The following EHBP1 variants were observed in gnomAD, a reference collection of about 807,000 sequenced individuals.
The protein encoded by EHBP1 is EH domain-binding protein 1.
A neutral mutation model predicts 144.0 loss-of-function variants in EHBP1; 55 were observed. The observed-to-expected ratio is 0.38, with a 90% CI of 0.31 to 0.48. EHBP1 has a LOEUF of 0.48. Among genes scored for constraint, EHBP1 ranks in the 20% least tolerant of loss-of-function variants. The pLI, the probability that EHBP1 is intolerant of heterozygous loss-of-function variation, is 0.98. For missense variants in EHBP1, 1,200 were observed against 1,364.2 expected, an observed-to-expected ratio of 0.88 and a Z score of 1.90; for synonymous variants, 469 against 472.7, an observed-to-expected ratio of 0.99 and a Z score of 0.10.
intron 10 of EHBP1, among the ~76,000 whole-genome samples, chr2:62,926,250 G>C (rs1478010396): frequency 6.6e-6 from 1 of 152,056 alleles, no homozygotes; most frequent in Non-Finnish European, 1.5e-5. Context: ...TGTAAGACCT[G>C]AAGCATTGAA....
At chr2:62,966,551 A>G (rs1166996249) in intron 14 of EHBP1, among the ~76,000 whole-genome samples, 1 of 152,176 alleles carries the variant, frequency 6.6e-6, no homozygotes, top group Non-Finnish European at 1.5e-5. Flanking sequence ...AAAGAGAGTT[A>G]TGTATTATTT....
At chr2:62,730,986 A>G (rs920181639) in intron 2 of EHBP1, among the ~76,000 whole-genome samples, 11 of 150,236 alleles carry the variant, frequency 7.3e-5, no homozygotes, top group East Asian at 2.0e-4. Flanking sequence ...TTGATACTGC[A>G]TTGAGTCTAT....
At position 63,024,601 on chromosome 2, in the gene EHBP1, CAAAAAAAAAAA is replaced by C. The variant is rs35534053; in HGVS notation, c.3104-12922_3104-12912del. Among the ~76,000 whole-genome samples, 2 of 107,492 alleles carry C rather than the reference CAAAAAAAAAAA, an allele frequency of 1.9e-5. 1 individual carries two copies. Among genetic ancestry groups the C allele is most frequent in the Admixed American group, 2.0e-4 (2 of 9,886 alleles). 70.5% of individuals were successfully genotyped at this position (107,492 alleles called of 152,430 possible). A position where few individuals can be genotyped will look rare whatever the true frequency, so the allele number is the denominator to read the frequency against. On this transcript the variant is annotated intron_variant, in intron 19 of 22. Transcript: ENST00000431489. ...TTGGCAACACAGCAAGACCCTGTCTCAAAAAAAAAAAAAAAAAAAAAATTAGATGGAGTCAA... is the reference window on the plus strand; with the variant it reads ...TTGGCAACACAGCAAGACCCTGTCTCAAAAAAAAAAATTAGATGGAGTCAA...
intron 14 of EHBP1, among the ~76,000 whole-genome samples, chr2:62,964,067 G>A (rs531503862): frequency 9.2e-4 from 140 of 152,266 alleles, no homozygotes; most frequent in African/African-American, 3.4e-3. Flanking sequence ...TATCTATTAT[G>A]TCTAAATGTA....
intron 7 of EHBP1, among the ~76,000 whole-genome samples, chr2:62,838,244 G>C (rs2047463634): frequency 6.6e-6 from 1 of 151,960 alleles, no homozygotes; most frequent in South Asian, 2.1e-4. Flanking sequence ...ATGACTACTG[G>C]GTACATAACG....
At position 62,909,432 on chromosome 2, in the gene EHBP1, C is replaced by T. The variant is rs140995703; in HGVS notation, c.1186-33286C>T. Among the ~76,000 whole-genome samples the T allele has an allele frequency of 2.8e-3, 422 of 152,328 alleles. 4 individuals carry two copies. Among genetic ancestry groups the T allele is most frequent in the African/African-American group, 9.5e-3 (396 of 41,568 alleles). On this transcript the variant is annotated intron_variant, in intron 10 of 22. Transcript: ENST00000431489. ...TTCTAGACTGAAGTGATCCACCCGC[C>T]TTGGCCTTCCAAAGTGCTGGGATTC... is the stretch of plus-strand genomic sequence containing the variant.
At chr2:62,817,375 T>C (rs1464373785) in intron 5 of EHBP1, among the ~76,000 whole-genome samples, 1 of 151,966 alleles carries the variant, frequency 6.6e-6, no homozygotes, top group East Asian at 1.9e-4. Context: ...TTCCTAGTAA[T>C]GGAAATAGCA....
chr2:62,746,673 A>G (rs2039188282), intron 2 of EHBP1, among the ~76,000 whole-genome samples: 2 of 152,062 alleles, frequency 1.3e-5, no homozygotes, highest in Non-Finnish European at 2.9e-5. Flanking sequence ...CGTTAAAAGG[A>G]ATGGGAAAAA....
At chr2:62,883,942 C>T (rs2051696917) in intron 10 of EHBP1, among the ~76,000 whole-genome samples, 1 of 152,060 alleles carries the variant, frequency 6.6e-6, no homozygotes, top group Non-Finnish European at 1.5e-5. Context: ...TGCACTCCAG[C>T]CGGTATGGCA....
chr2:62,757,652 T>C (rs2040421137), intron 3 of EHBP1, among the ~76,000 whole-genome samples: 1 of 152,044 alleles, frequency 6.6e-6, no homozygotes. Context: ...CAGGCTGGTC[T>C]CAAACTCCTG....
At position 62,855,986 on chromosome 2, in the gene EHBP1, C is replaced by T. The variant is rs143258023; in HGVS notation, c.635-3183C>T. Among the ~76,000 whole-genome samples the T allele has an allele frequency of 3.9e-3, 592 of 152,144 alleles. 8 individuals carry two copies. The highest frequency in any genetic ancestry group is 0.013 in the African/African-American group (539 of 41,492). On this transcript the variant is annotated intron_variant, in intron 7 of 22. Coordinates refer to ENST00000431489, the MANE Select transcript of EHBP1 (RefSeq NM_001142616.3). ...GAGCTTCCCACTCCAGGGTCTCCTC[C>T]CTGCTAGGAGCTGAACACTCTTCAG... is the stretch of plus-strand genomic sequence containing the variant.
chr2:62,750,233 A>C (rs1419912637), intron 3 of EHBP1, among the ~76,000 whole-genome samples: 1 of 152,224 alleles, frequency 6.6e-6, no homozygotes, highest in Non-Finnish European at 1.5e-5. Flanking sequence ...CCAATTATTA[A>C]ATAGGGAGTC....
At chr2:62,943,400 A>G (rs1401381748) in intron 11 of EHBP1, among the ~76,000 whole-genome samples, 1 of 138,770 alleles carries the variant, frequency 7.2e-6, no homozygotes, top group African/African-American at 2.7e-5. Context: ...AAAAAAAAAA[A>G]TGGTTTTTCT....
chr2:62,768,211 T>G lies in EHBP1; in HGVS notation c.259-3128T>G, dbSNP rs564052322. On this transcript the variant is annotated intron_variant, in intron 4 of 22. Coordinates refer to ENST00000431489, the MANE Select transcript of EHBP1 (RefSeq NM_001142616.3). Reference sequence around the variant, plus strand: ...AGGGAAATAGAAAATGAAAACTCATTCAAAAGATCAACAAATACAGAAGTT... The same window carrying G: ...AGGGAAATAGAAAATGAAAACTCATGCAAAAGATCAACAAATACAGAAGTT... Among the ~76,000 whole-genome samples, 185 of 152,234 alleles carry G rather than the reference T, an allele frequency of 1.2e-3. 1 individual carries two copies. Among genetic ancestry groups the G allele is most frequent in the African/African-American group, 4.2e-3 (175 of 41,528 alleles).
At position 62,864,828 on chromosome 2, in the gene EHBP1, G is replaced by A. The variant is rs139562408; in HGVS notation, c.855G>A (p.Leu285=). ...AAGAGGTGCAGACTCCACAGTATTT[G>A]AACCCATTCGATGAGCCAGAAGCAT... The part of the protein sequence containing the change: ...PFKEVQTPQY[L]NPFDEPEAFV... The change falls in exon 9 of 23, where the codon TTG becomes TTA. Residue 285 remains leucine (L), a synonymous_variant. Transcript: ENST00000431489. 2.0e-4 allele frequency: 326 copies of A among 1,613,860 alleles called. 1 individual carries two copies. The highest frequency in any genetic ancestry group is 2.5e-4 in the Non-Finnish European group (300 of 1,179,988).
Position 63,045,113 on chromosome 2 carries a change from G to T in EHBP1, c.3325G>T (p.Asp1109Tyr). 6.3e-7 allele frequency: 1 copy of T among 1,593,410 alleles called. No homozygotes were observed. The highest frequency in any genetic ancestry group is 1.1e-5 in the South Asian group (1 of 87,690). The change falls in exon 22 of 23, where the codon GAT (aspartate) becomes TAT (tyrosine). Residue 1109 changes from aspartate to tyrosine, a missense_variant. This residue lies in a region of EHBP1 where 149 missense variants were observed against 217.0 expected (regional missense o/e 0.69). Coordinates refer to ENST00000431489, the MANE Select transcript of EHBP1 (RefSeq NM_001142616.3). This position sits in a 1 kb window ranked among gnomAD's most constrained non-coding sequence, Gnocchi z 5.7. ...AQKRREQLLLDELVALVNKRD... is the reference protein window; with the variant it reads ...AQKRREQLLLYELVALVNKRD... ...GAAGCGACGCGAACAGCTTCTGCTA[G>T]ATGAGCTGGTGGCCCTGGTGAACAA... is the stretch of plus-strand genomic sequence containing the variant.
At chr2:62,740,549 T>C (rs2152102011) in intron 2 of EHBP1, among the ~76,000 whole-genome samples, 1 of 152,338 alleles carries the variant, frequency 6.6e-6, no homozygotes, top group South Asian at 2.1e-4. Context: ...TGTTTAAATA[T>C]TCACAGCATC....
chr2:62,904,367 G>A (rs1039435350), intron 10 of EHBP1, among the ~76,000 whole-genome samples: 1 of 152,152 alleles, frequency 6.6e-6, no homozygotes, highest in African/African-American at 2.4e-5. Context: ...GGCTGCACCT[G>A]TAGGCCTTTT....
In EHBP1 at chr2:62,993,815, A is replaced by G. The variant is rs551545738; in HGVS notation, c.2873-56A>G. 1.6e-4 allele frequency: 225 copies of G among 1,370,572 alleles called. No homozygotes were observed. In the African/African-American group the frequency reaches 3.2e-3, roughly 19 times the overall value. The allele number at this position is 1,370,572 out of a possible 1,614,324, so 84.9% of individuals were successfully genotyped here. On this transcript the variant is annotated intron_variant, in intron 17 of 22. Transcript: ENST00000431489. ...TGGTAATGTAAATTCACATTTCAATACACAAATATCAAGCTTTACAATAAT... is the reference window on the plus strand; with the variant it reads ...TGGTAATGTAAATTCACATTTCAATGCACAAATATCAAGCTTTACAATAAT...
Sources: allele counts gnomAD v4.1 joint callset (sites outside exome capture counted in the v4.1 genomes callset), GRCh38; gene constraint gnomAD v4.1.1; regional missense constraint gnomAD v4.1.1; non-coding constraint Gnocchi (gnomAD v3.1); transcripts MANE v1.5; gene names NCBI Gene and HGNC (gene_info 2026-07-23, HGNC 2026-07-21).